SPAG16: variants seen among roughly 807,000 people sequenced by gnomAD.
The protein encoded by SPAG16 is sperm associated antigen 16.
A neutral mutation model predicts 80.4 loss-of-function variants in SPAG16; 86 were observed. The observed-to-expected ratio is 1.07, with a 90% CI of 0.90 to 1.28. The LOEUF is 1.28. SPAG16 is among the 50% of genes most tolerant of loss of function. The pLI, the probability that SPAG16 is intolerant of heterozygous loss-of-function variation, is 0.00. For missense variants in SPAG16, 870 were observed against 765.3 expected, an observed-to-expected ratio of 1.14 and a Z score of -1.61; for synonymous variants, 294 against 265.9, an observed-to-expected ratio of 1.11 and a Z score of -1.03.
intron 10 of SPAG16, among the ~76,000 whole-genome samples, chr2:213,715,153 G>A (rs1022591363): frequency 8.6e-5 from 13 of 152,024 alleles, no homozygotes; most frequent in African/African-American, 2.4e-4. Flanking sequence ...TATTATGAGC[G>A]GACTGCTGCC....
At chr2:214,102,107 TG>T (rs1454312618) in intron 13 of SPAG16, among the ~76,000 whole-genome samples, 77 of 117,986 alleles carry the variant, frequency 6.5e-4, no homozygotes, top group Middle Eastern at 4.5e-3. Context: ...CTGGTGAGGG[TG>T]GTTTTTTGTT....
intron 12 of SPAG16, among the ~76,000 whole-genome samples, chr2:213,996,527 T>C (rs780770875): frequency 1.7e-4 from 26 of 151,624 alleles, no homozygotes; most frequent in Non-Finnish European, 2.4e-4. Context: ...TAAAATAAGA[T>C]AGTAAAGTAA....
intron 10 of SPAG16, among the ~76,000 whole-genome samples, chr2:213,573,502 T>C (rs570453651): frequency 1.6e-3 from 244 of 152,306 alleles, no homozygotes; most frequent in African/African-American, 5.7e-3. Context: ...TACATATAAT[T>C]GCATTTTGGT....
chr2:214,218,006 T>C (rs977189488), intron 15 of SPAG16, among the ~76,000 whole-genome samples: 1 of 152,248 alleles, frequency 6.6e-6, no homozygotes, highest in Non-Finnish European at 1.5e-5. Context: ...GGTTAATGCA[T>C]ATTTTTTTTC....
At chr2:213,427,783 G>C (rs889293146) in intron 9 of SPAG16, among the ~76,000 whole-genome samples, 2 of 152,164 alleles carry the variant, frequency 1.3e-5, no homozygotes, top group South Asian at 2.1e-4. Flanking sequence ...CTCAAGTCTG[G>C]TTGTCAAAAC....
intron 10 of SPAG16, among the ~76,000 whole-genome samples, chr2:213,705,017 C>T (rs1574879069): frequency 6.6e-6 from 1 of 151,990 alleles, no homozygotes; most frequent in East Asian, 1.9e-4. Context: ...CTTTGGGAGG[C>T]GGAGGCAGGC....
chr2:214,159,198 A>G (rs916242342), intron 15 of SPAG16, among the ~76,000 whole-genome samples: 4 of 152,028 alleles, frequency 2.6e-5, no homozygotes, highest in African/African-American at 9.6e-5. Flanking sequence ...ACATACTTTA[A>G]TCAATAGAAA....
intron 15 of SPAG16, among the ~76,000 whole-genome samples, chr2:214,182,191 T>A (rs2057330419): frequency 6.6e-6 from 1 of 151,684 alleles, no homozygotes; most frequent in Non-Finnish European, 1.5e-5. Context: ...GAAGGGAAAG[T>A]AATAAAATCA....
intron 12 of SPAG16, among the ~76,000 whole-genome samples, chr2:213,935,166 C>G (rs1022962575): frequency 7.0e-6 from 1 of 142,558 alleles, no homozygotes; most frequent in Non-Finnish European, 1.5e-5. Flanking sequence ...AGCGCCACTG[C>G]ACTCCAGCCT....
At chr2:213,436,496 G>A (rs966995498) in intron 9 of SPAG16, among the ~76,000 whole-genome samples, 2 of 152,080 alleles carry the variant, frequency 1.3e-5, no homozygotes, top group African/African-American at 4.8e-5. Context: ...TGTATCATTG[G>A]ATTATTTTAC....
intron 10 of SPAG16, among the ~76,000 whole-genome samples, chr2:213,788,959 T>C (rs1309244007): frequency 6.6e-6 from 1 of 151,952 alleles, no homozygotes; most frequent in African/African-American, 2.4e-5. Flanking sequence ...TCTCTGTTTT[T>C]ATAGCATCAT....
At chr2:214,347,018 A>G (rs146283747) in intron 15 of SPAG16, among the ~76,000 whole-genome samples, 1 of 152,338 alleles carries the variant, frequency 6.6e-6, no homozygotes, top group African/African-American at 2.4e-5. Flanking sequence ...GGTACCTGAA[A>G]GTAAGATAAG....
At chr2:214,220,032 A>G (rs562414642) in intron 15 of SPAG16, among the ~76,000 whole-genome samples, 17 of 152,258 alleles carry the variant, frequency 1.1e-4, no homozygotes, top group Admixed American at 1.0e-3. Flanking sequence ...CTAATAGTTT[A>G]TAAGGACATT....
At chr2:214,078,364 A>C (rs1190951789) in intron 13 of SPAG16, among the ~76,000 whole-genome samples, 2 of 151,904 alleles carry the variant, frequency 1.3e-5, no homozygotes, top group African/African-American at 2.4e-5. Context: ...ACCAGCTTGG[A>C]CAACATAGTG....
chr2:213,574,075 A>C (rs915187911), intron 10 of SPAG16, among the ~76,000 whole-genome samples: 4 of 152,150 alleles, frequency 2.6e-5, no homozygotes, highest in Non-Finnish European at 4.4e-5. Context: ...AAATAACTTT[A>C]TGTTTTGATA....
intron 10 of SPAG16, among the ~76,000 whole-genome samples, chr2:213,718,248 G>T (rs1243083278): frequency 2.6e-5 from 4 of 151,064 alleles, no homozygotes; most frequent in African/African-American, 9.7e-5. Flanking sequence ...ATAAACAAAT[G>T]AAAAAAGCTC....
At chr2:213,288,609 C>T (rs1431263797) in intron 1 of SPAG16, among the ~76,000 whole-genome samples, 1 of 152,010 alleles carries the variant, frequency 6.6e-6, no homozygotes, top group African/African-American at 2.4e-5. Context: ...CCGCACCTGT[C>T]CTTTCCTTTT....
intron 10 of SPAG16, among the ~76,000 whole-genome samples, chr2:213,857,725 T>G (rs1450152578): frequency 2.6e-5 from 4 of 152,226 alleles, no homozygotes; most frequent in Non-Finnish European, 5.9e-5. Context: ...CAATTCTTAT[T>G]TTTTAAAAAC....
intron 12 of SPAG16, among the ~76,000 whole-genome samples, chr2:213,960,926 AG>A (rs1269631841): frequency 2.6e-5 from 4 of 152,172 alleles, no homozygotes; most frequent in African/African-American, 9.7e-5. Flanking sequence ...CAGTAATCAG[AG>A]CACAAATCTC....
Sources: allele counts gnomAD v4.1 joint callset (sites outside exome capture counted in the v4.1 genomes callset), GRCh38; gene constraint gnomAD v4.1.1; transcripts MANE v1.5; gene names NCBI Gene and HGNC (gene_info 2026-07-23, HGNC 2026-07-21).